PARN: variants seen among roughly 807,000 people sequenced by gnomAD.
PARN encodes poly(A)-specific ribonuclease PARN.
PARN carries 71 observed loss-of-function variants against 102.8 expected under a neutral mutation model. The ratio of observed to expected loss-of-function variants is 0.69; its 90% CI spans 0.57 to 0.84. PARN has a LOEUF of 0.84. Ranked by LOEUF, PARN falls within the 40% of genes least tolerant of loss-of-function variation. PARN has a pLI of 0.00. For synonymous variants in PARN, 261 were observed against 252.9 expected (o/e 1.03, Z -0.30); for missense variants, 782 against 760.9 (o/e 1.03, Z -0.33).
At chr16:14,527,030 T>C (rs896499507) in intron 21 of PARN, among the ~76,000 whole-genome samples, 1 of 152,236 alleles carries the variant, frequency 6.6e-6, no homozygotes, top group Non-Finnish European at 1.5e-5. Context: ...CTTGCAGCTA[T>C]ATTCTATAAA....
At chr16:14,593,460 G>C in intron 12 of PARN, 82 bp from the exon 13 acceptor site, 1 of 261,412 alleles carries the variant, frequency 3.8e-6, no homozygotes, top group South Asian at 3.3e-5. Context: ...CAGATTCCAA[G>C]AGGACTTTGT....
intron 23 of PARN, among the ~76,000 whole-genome samples, chr16:14,444,371 T>G (rs1961097337): frequency 6.6e-6 from 1 of 152,000 alleles, no homozygotes; most frequent in Non-Finnish European, 1.5e-5. Flanking sequence ...AGCTCAAATC[T>G]TGTGGCAGTG....
chr16:14,545,843 C>A (rs1480924057), intron 21 of PARN, among the ~76,000 whole-genome samples: 1 of 151,836 alleles, frequency 6.6e-6, no homozygotes, highest in Admixed American at 6.6e-5. Flanking sequence ...TCGAGGACGC[C>A]AGGCTTAAAT....
rs752280210 is a variant in PARN at position 14,584,362 on chromosome 16, T to G, written c.1066A>C (p.Asn356His). ...ATATTCTTACCAACTTTAGGAGGGT[T>G]GAAAGGTGTCTCTTTTAACCGCTTT... ...LEKRLKETPFNPPKVESAEGF... is the reference protein window; with the variant it reads ...LEKRLKETPFHPPKVESAEGF... Residue 356 changes from asparagine to histidine, a missense_variant, in exon 16 of 24, where the codon AAC (asparagine) becomes CAC (histidine). Physicochemically the swap from Asn to His is moderately conservative, Grantham distance 68 (BLOSUM62 1). Coordinates refer to ENST00000437198, the MANE Select transcript of PARN (RefSeq NM_002582.4). 1.2e-6 allele frequency: 2 copies of G among 1,611,626 alleles called. No individual in the cohort carries two copies. Among genetic ancestry groups the G allele is most frequent in the Admixed American group, 3.3e-5 (2 of 60,012 alleles).
intron 23 of PARN, among the ~76,000 whole-genome samples, chr16:14,442,252 A>G (rs542611505): frequency 6.6e-6 from 1 of 152,288 alleles, no homozygotes; most frequent in African/African-American, 2.4e-5. Context: ...AGGTCCCAGG[A>G]ACACATCAAC....
chr16:14,535,170 T>A (rs1230353076), intron 21 of PARN, among the ~76,000 whole-genome samples: 1 of 152,184 alleles, frequency 6.6e-6, no homozygotes, highest in African/African-American at 2.4e-5. Flanking sequence ...CTTTTTATAA[T>A]CTTATCACCT....
chr16:14,602,569 C>T (rs752205146), intron 11 of PARN, among the ~76,000 whole-genome samples: 47 of 152,194 alleles, frequency 3.1e-4, no homozygotes, highest in Admixed American at 5.9e-4. Flanking sequence ...CTAGGGGATG[C>T]CATGGTGCCC....
intron 22 of PARN, 25 bp from the exon 23 acceptor site, chr16:14,447,106 AT>A: frequency 6.4e-7 from 1 of 1,562,534 alleles, no homozygotes; most frequent in Non-Finnish European, 8.8e-7. Context: ...GTGGAACAAC[AT>A]AAAAGGTGCT....
intron 15 of PARN, 43 bp from the exon 16 acceptor site, chr16:14,584,465 A>G (rs765594303): frequency 1.3e-6 from 2 of 1,484,556 alleles, no homozygotes; most frequent in South Asian, 1.1e-5. Context: ...TCATCATCTC[A>G]GAACAATATA....
chr16:14,480,715 C>T (rs182025557), intron 22 of PARN, among the ~76,000 whole-genome samples: 1,831 of 152,134 alleles, frequency 0.012, 31 homozygotes, highest in Non-Finnish European at 0.017. Flanking sequence ...CCGAGGCAGG[C>T]GGATCACTTG....
At chr16:14,439,396 A>G (rs1275732866) in intron 23 of PARN, among the ~76,000 whole-genome samples, 4 of 62,862 alleles carry the variant, frequency 6.4e-5, no homozygotes, top group African/African-American at 1.2e-4. Context: ...AAAAAAATAG[A>G]GGGAGGGAGG....
chr16:14,585,935 A>G (rs1174287305), intron 14 of PARN, among the ~76,000 whole-genome samples: 1 of 152,130 alleles, frequency 6.6e-6, no homozygotes, highest in Non-Finnish European at 1.5e-5. Context: ...AATGGTTTTA[A>G]CAAATTACTA....
rs1406240352 is a variant in PARN, at chr16:14,436,626, G to T, written c.*91C>A. The T allele has an allele frequency of 1.1e-5, 10 of 921,716 alleles. No homozygotes were observed. Among genetic ancestry groups the T allele is most frequent in the Non-Finnish European group, 1.7e-5 (10 of 586,048 alleles). The allele number at this position is 921,716 out of a possible 1,614,324, so 57.1% of individuals were successfully genotyped here. A position where few individuals can be genotyped will look rare whatever the true frequency, so the allele number is the denominator to read the frequency against. On this transcript the variant is annotated 3_prime_UTR_variant, in exon 24 of 24. Coordinates refer to ENST00000437198, the MANE Select transcript of PARN (RefSeq NM_002582.4). ...TTCCAACCCCTCCCATACCACATTT[G>T]ATTAAGTTAAATACAGTGCGGCTTC...
At chr16:14,441,485 T>G (rs1567281111) in intron 23 of PARN, among the ~76,000 whole-genome samples, 1 of 152,120 alleles carries the variant, frequency 6.6e-6, no homozygotes, top group Non-Finnish European at 1.5e-5. Flanking sequence ...TTCCACAGAG[T>G]GGACATCCGT....
intron 22 of PARN, among the ~76,000 whole-genome samples, chr16:14,453,739 A>C (rs1013466627): frequency 1.3e-5 from 2 of 152,282 alleles, no homozygotes; most frequent in Non-Finnish European, 2.9e-5. Flanking sequence ...TAATACTTTG[A>C]GAGTCAGTCA....
At position 14,482,808 on chromosome 16, in the gene PARN, A is replaced by G. The variant is rs1596486011; in HGVS notation, c.1500T>C (p.Tyr500=). 5.0e-6 allele frequency: 8 copies of G among 1,610,650 alleles called. No individual in the cohort carries two copies. The highest frequency in any genetic ancestry group is 3.3e-5 in the South Asian group (3 of 90,130). ...QVKIAVNTSK[Y]AESYRIQTYA... ...AGGTTTGGATCCGATAGCTTTCTGCATATTTGCTGGTATTGACAGCTACAA... is the reference window on the plus strand; with the variant it reads ...AGGTTTGGATCCGATAGCTTTCTGCGTATTTGCTGGTATTGACAGCTACAA... The change falls in exon 22 of 24, where the codon TAT becomes TAC. Residue 500 remains tyrosine (Y), a synonymous_variant. Transcript: ENST00000437198.
intron 18 of PARN, among the ~76,000 whole-genome samples, chr16:14,565,460 A>G (rs1482432282): frequency 6.6e-6 from 1 of 152,198 alleles, no homozygotes; most frequent in African/African-American, 2.4e-5. Flanking sequence ...AGCTCATTTC[A>G]ACAGTCTCCA....
At chr16:14,552,122 G>A in intron 20 of PARN, 27 bp from the exon 21 acceptor site, 1 of 1,450,624 alleles carries the variant, frequency 6.9e-7, no homozygotes, top group Non-Finnish European at 9.7e-7. Context: ...AAAGTAAAGT[G>A]AACATTTGAC....
chr16:14,509,177 CTTGT>C (rs1422934699), intron 21 of PARN, among the ~76,000 whole-genome samples: 1 of 152,050 alleles, frequency 6.6e-6, no homozygotes, highest in Non-Finnish European at 1.5e-5. Flanking sequence ...TGGTAAACAG[CTTGT>C]TTGAGAAGTT....
Sources: allele counts gnomAD v4.1 joint callset (sites outside exome capture counted in the v4.1 genomes callset), GRCh38; gene constraint gnomAD v4.1.1; transcripts MANE v1.5; gene names NCBI Gene and HGNC (gene_info 2026-07-23, HGNC 2026-07-21).